CCDC68: variants seen among roughly 807,000 people sequenced by gnomAD.
The protein encoded by CCDC68 is coiled-coil domain containing 68, also known as coiled-coil domain-containing protein 68.
Under a neutral mutation model 47.1 loss-of-function variants are expected in CCDC68, and 45 were observed. That is an observed-to-expected ratio of 0.96 (90% CI 0.75 to 1.23). The LOEUF (loss-of-function observed/expected upper bound fraction) is 1.23. Among genes scored for constraint, CCDC68 ranks in the 50% most tolerant of loss-of-function variants. The probability of loss-of-function intolerance (pLI) is 0.00; values close to 1 mark genes in which losing one functional copy is unlikely to be tolerated. For missense variants in CCDC68, 353 were observed against 373.6 expected (o/e 0.94, Z 0.45); for synonymous variants, 131 against 129.5 (o/e 1.01, Z -0.08).
At chr18:54,949,669 C>A (rs1449501472) in intron 1 of CCDC68, among the ~76,000 whole-genome samples, 1 of 152,196 alleles carries the variant, frequency 6.6e-6, no homozygotes, top group East Asian at 1.9e-4. Context: ...GAATCTCCTT[C>A]CCAGATATGC....
chr18:54,949,896 T>A (rs908114745), intron 1 of CCDC68, among the ~76,000 whole-genome samples: 8 of 152,158 alleles, frequency 5.3e-5, no homozygotes, highest in African/African-American at 1.9e-4. Context: ...CACAGAGTGG[T>A]GCTTCATGTC....
chr18:54,935,897 C>T (rs1362496324), intron 6 of CCDC68, among the ~76,000 whole-genome samples: 2 of 152,042 alleles, frequency 1.3e-5, no homozygotes, highest in Non-Finnish European at 2.9e-5. Flanking sequence ...CAGGCATACA[C>T]ACACTTTTTT....
At chr18:54,943,761 C>T (rs1482123816) in intron 2 of CCDC68, among the ~76,000 whole-genome samples, 1 of 152,118 alleles carries the variant, frequency 6.6e-6, no homozygotes, top group Admixed American at 6.6e-5. Context: ...TACACAGGTT[C>T]ACATTATAGA....
intron 8 of CCDC68, 122 bp from the exon 9 acceptor site, chr18:54,919,498 C>T (rs1218870519): frequency 6.5e-6 from 5 of 773,150 alleles, no homozygotes; most frequent in East Asian, 5.1e-5. Context: ...GGTAAGACCC[C>T]GGGGCCCCAT....
At chr18:54,932,168 A>G (rs1332242988) in intron 7 of CCDC68, among the ~76,000 whole-genome samples, 1 of 148,474 alleles carries the variant, frequency 6.7e-6, no homozygotes, top group Admixed American at 7.0e-5. Context: ...ACAAATATAA[A>G]ATATTTTTAA....
chr18:54,952,345 G>A (rs1428850419), intron 1 of CCDC68, among the ~76,000 whole-genome samples: 1 of 152,164 alleles, frequency 6.6e-6, no homozygotes, highest in African/African-American at 2.4e-5. Context: ...GAAGAGCCCA[G>A]GAATTTATAA....
intron 1 of CCDC68, among the ~76,000 whole-genome samples, chr18:54,956,398 T>C (rs1011338750): frequency 6.6e-6 from 1 of 152,202 alleles, no homozygotes; most frequent in African/African-American, 2.4e-5. Context: ...AAAATTATCA[T>C]AGAAGAGAGT....
In CCDC68 at chr18:54,948,592, C is replaced by G. The variant is rs140988649; in HGVS notation, c.-102-3115G>C. 2.6e-5 allele frequency among the ~76,000 whole-genome samples: 4 copies of G among 151,144 alleles called. No homozygotes were observed. In the East Asian group the frequency reaches 7.7e-4, roughly 29 times the overall value. The stretch of plus-strand genomic sequence containing the variant: ...AGACTGTAACAAGAGTGTTTCCTTT[C>G]TTTACTTAACTCTTGATTCATTTAT... On this transcript the variant is annotated intron_variant, in intron 1 of 11. Transcript: ENST00000591504.
At chr18:54,943,366 G>A (rs1180643618) in intron 2 of CCDC68, among the ~76,000 whole-genome samples, 1 of 152,054 alleles carries the variant, frequency 6.6e-6, no homozygotes, top group East Asian at 1.9e-4. Context: ...GCATAGAGCG[G>A]AAAATAATAT....
At chr18:54,940,398 T>C (rs2044416177) in intron 4 of CCDC68, among the ~76,000 whole-genome samples, 1 of 152,216 alleles carries the variant, frequency 6.6e-6, no homozygotes, top group Non-Finnish European at 1.5e-5. Flanking sequence ...GTTATGTTAG[T>C]GTGGGAGGCT....
rs148817011 is a variant in CCDC68, at chr18:54,943,345, C to T, written c.-12-542G>A. Among the ~76,000 whole-genome samples, 663 of 152,102 alleles carry T rather than the reference C, an allele frequency of 4.4e-3. 3 individuals carry two copies. Among genetic ancestry groups the T allele is most frequent in the African/African-American group, 0.015 (642 of 41,498 alleles). On this transcript the variant is annotated intron_variant, in intron 2 of 11. Transcript: ENST00000591504. The stretch of plus-strand genomic sequence containing the variant: ...AGCCATCACTAGGATGTATTATTAT[C>T]TCATGAAAAAGCATAGAGCGGAAAA...
intron 1 of CCDC68, among the ~76,000 whole-genome samples, chr18:54,953,978 CTCCCCTCCCCTCCCCTCCCT>C (rs1189725584): frequency 3.6e-4 from 3 of 8,410 alleles, no homozygotes; most frequent in East Asian, 5.5e-3. Flanking sequence ...GGACCCTCCC[CTCCCCTCCCCTCCCCTCCCT>C]TCCCCTCCCC....
At chr18:54,920,236 CT>C (rs58528142) in intron 8 of CCDC68, among the ~76,000 whole-genome samples, 36,577 of 134,958 alleles carry the variant, frequency 0.27, 4,526 homozygotes, top group African/African-American at 0.39. Context: ...TTTCTTTTTT[CT>C]TTTTTTTTTT....
At position 54,906,500 on chromosome 18, in the gene CCDC68, C is replaced by T. The variant is rs530585056; in HGVS notation, c.950+1286G>A. Among the ~76,000 whole-genome samples the T allele has an allele frequency of 6.6e-5, 10 of 152,216 alleles. No individual in the cohort carries two copies. In the East Asian group the frequency reaches 1.4e-3, roughly 21 times the overall value. ...AGAGTAGTTACCATATGAAGATAAC[C>T]AGCTGTTTCATTGTCTGCTCCATTC... On this transcript the variant is annotated intron_variant, in intron 11 of 11. Transcript: ENST00000591504.
intron 7 of CCDC68, among the ~76,000 whole-genome samples, chr18:54,932,334 G>C (rs1450837972): frequency 6.6e-6 from 1 of 151,720 alleles, no homozygotes; most frequent in Non-Finnish European, 1.5e-5. Flanking sequence ...ACAAGCACAT[G>C]CTACCATGCC....
At chr18:54,919,651 G>C (rs916799926) in intron 8 of CCDC68, among the ~76,000 whole-genome samples, 3 of 152,148 alleles carry the variant, frequency 2.0e-5, no homozygotes, top group Admixed American at 6.5e-5. Context: ...GTGGAATCAA[G>C]TTATATTCAG....
At chr18:54,925,724 C>T (rs2044133300) in intron 8 of CCDC68, among the ~76,000 whole-genome samples, 1 of 152,144 alleles carries the variant, frequency 6.6e-6, no homozygotes. Flanking sequence ...ACTCATACTG[C>T]CTTCTGTTTA....
At chr18:54,904,639 C>T (rs1202296344) in intron 11 of CCDC68, among the ~76,000 whole-genome samples, 1 of 152,112 alleles carries the variant, frequency 6.6e-6, no homozygotes, top group Non-Finnish European at 1.5e-5. Flanking sequence ...CTAGATGTAA[C>T]AGGACAAGAA....
intron 7 of CCDC68, among the ~76,000 whole-genome samples, chr18:54,929,692 T>A (rs1463771887): frequency 1.3e-5 from 2 of 152,156 alleles, no homozygotes; most frequent in African/African-American, 4.8e-5. Flanking sequence ...GGAAGAGGCG[T>A]GCCGAAACCA....
Sources: allele counts gnomAD v4.1 joint callset (sites outside exome capture counted in the v4.1 genomes callset), GRCh38; gene constraint gnomAD v4.1.1; transcripts MANE v1.5; gene names NCBI Gene and HGNC (gene_info 2026-07-23, HGNC 2026-07-21).